ZNF385B: variants seen among roughly 807,000 people sequenced by gnomAD.
The protein encoded by ZNF385B is zinc finger protein 533.
A neutral mutation model predicts 39.2 loss-of-function variants in ZNF385B; 23 were observed. The observed-to-expected ratio is 0.59, with a 90% CI of 0.42 to 0.83. The LOEUF (loss-of-function observed/expected upper bound fraction) is 0.83, where lower values mean the gene tolerates loss of function less well. ZNF385B is among the 40% of genes least tolerant of loss of function. The pLI, the probability that ZNF385B is intolerant of heterozygous loss-of-function variation, is 0.00. For missense variants in ZNF385B, 552 were observed against 598.9 expected (o/e 0.92, Z 0.82); for synonymous variants, 205 against 222.6 (o/e 0.92, Z 0.70).
At chr2:179,526,929 CT>C (rs1315841412) in intron 4 of ZNF385B, among the ~76,000 whole-genome samples, 1 of 152,228 alleles carries the variant, frequency 6.6e-6, no homozygotes, top group African/African-American at 2.4e-5. Context: ...CTGGTCCCCT[CT>C]TTCACTGGGA....
At chr2:179,632,360 C>A (rs1297593991) in intron 3 of ZNF385B, among the ~76,000 whole-genome samples, 1 of 152,190 alleles carries the variant, frequency 6.6e-6, no homozygotes, top group African/African-American at 2.4e-5. Flanking sequence ...TCTCTCAGAC[C>A]ACAGTGCAAT....
At chr2:179,480,378 C>T (rs1159930759) in intron 6 of ZNF385B, among the ~76,000 whole-genome samples, 2 of 152,138 alleles carry the variant, frequency 1.3e-5, no homozygotes, top group East Asian at 1.9e-4. Context: ...TTTCTCCTTA[C>T]ATTTTACCTA....
At chr2:179,744,775 C>T (rs189795742) in intron 3 of ZNF385B, among the ~76,000 whole-genome samples, 8 of 152,236 alleles carry the variant, frequency 5.3e-5, no homozygotes, top group Admixed American at 2.6e-4. Context: ...CCCTGCCAAC[C>T]TAATATACTA....
At chr2:179,478,531 G>A (rs534934564) in intron 6 of ZNF385B, among the ~76,000 whole-genome samples, 32 of 152,318 alleles carry the variant, frequency 2.1e-4, no homozygotes, top group African/African-American at 7.7e-4. Context: ...TTCAACAGAA[G>A]ATGCTGGCTC....
chr2:179,648,135 T>C (rs977014067), intron 3 of ZNF385B, among the ~76,000 whole-genome samples: 2 of 152,022 alleles, frequency 1.3e-5, no homozygotes, highest in African/African-American at 4.8e-5. Context: ...GGACTCAGCT[T>C]GCCATGGGGT....
intron 3 of ZNF385B, among the ~76,000 whole-genome samples, chr2:179,682,380 T>G (rs1310794567): frequency 6.6e-6 from 1 of 152,246 alleles, no homozygotes; most frequent in Non-Finnish European, 1.5e-5. Flanking sequence ...CTGTTCCTGT[T>G]ATAACTGCAA....
chr2:179,773,632 T>C (rs1704139302), intron 1 of ZNF385B, among the ~76,000 whole-genome samples: 1 of 152,216 alleles, frequency 6.6e-6, no homozygotes, highest in Non-Finnish European at 1.5e-5. Context: ...TGGTTTTACT[T>C]ATTGACTCAC....
chr2:179,714,519 A>G (rs1700196358), intron 3 of ZNF385B, among the ~76,000 whole-genome samples: 1 of 152,200 alleles, frequency 6.6e-6, no homozygotes, highest in Non-Finnish European at 1.5e-5. Context: ...ATACAACAAT[A>G]AAAAGGCTGT....
chr2:179,807,613 A>C lies in ZNF385B; in HGVS notation c.-154-36941T>G, dbSNP rs539876297. Among the ~76,000 whole-genome samples, 547 of 151,776 alleles carry C rather than the reference A, an allele frequency of 3.6e-3. 6 individuals carry two copies. The highest frequency in any genetic ancestry group is 0.013 in the African/African-American group (526 of 41,364). The stretch of plus-strand genomic sequence containing the variant: ...CCGCCCCTCAAAAAAGAGTAAAAAA[A>C]GGCCAGGTGCGGTGGCTCACGCCTG... On this transcript the variant is annotated intron_variant, in intron 1 of 9. Transcript: ENST00000410066.
At chr2:179,720,856 C>G (rs1700643478) in intron 3 of ZNF385B, among the ~76,000 whole-genome samples, 1 of 151,096 alleles carries the variant, frequency 6.6e-6, no homozygotes, top group South Asian at 2.1e-4. Context: ...AATTCCTGGG[C>G]TCAAGTGATA....
At chr2:179,736,358 T>C (rs1701755878) in intron 3 of ZNF385B, among the ~76,000 whole-genome samples, 1 of 152,198 alleles carries the variant, frequency 6.6e-6, no homozygotes, top group African/African-American at 2.4e-5. Context: ...GCTCTTATTT[T>C]GCTTGACAAA....
intron 1 of ZNF385B, among the ~76,000 whole-genome samples, chr2:179,859,872 A>T (rs1684901383): frequency 6.6e-6 from 1 of 152,160 alleles, no homozygotes. Flanking sequence ...AGATTAAAGG[A>T]CTCTGAAAAC....
intron 3 of ZNF385B, among the ~76,000 whole-genome samples, chr2:179,716,222 A>G (rs191644160): frequency 1.3e-5 from 2 of 152,324 alleles, no homozygotes; most frequent in Admixed American, 1.3e-4. Flanking sequence ...CCCAGAGAAA[A>G]GGTTTAAGTA....
intron 6 of ZNF385B, among the ~76,000 whole-genome samples, chr2:179,458,378 G>T (rs2050939070): frequency 6.6e-6 from 1 of 152,198 alleles, no homozygotes; most frequent in Non-Finnish European, 1.5e-5. Flanking sequence ...TGCCATGATT[G>T]TGAGTCCTCT....
chr2:179,683,113 G>A (rs535652427), intron 3 of ZNF385B, among the ~76,000 whole-genome samples: 2 of 152,162 alleles, frequency 1.3e-5, no homozygotes, highest in Non-Finnish European at 2.9e-5. Flanking sequence ...CAGGCCAGGC[G>A]CCGGTGGCTC....
At chr2:179,582,241 A>G (rs1472740509) in intron 3 of ZNF385B, among the ~76,000 whole-genome samples, 1 of 152,196 alleles carries the variant, frequency 6.6e-6, no homozygotes, top group Non-Finnish European at 1.5e-5. Context: ...CTGATCTATT[A>G]ATCTCACAGG....
At chr2:179,528,377 A>G (rs796242730) in intron 4 of ZNF385B, among the ~76,000 whole-genome samples, 3 of 152,368 alleles carry the variant, frequency 2.0e-5, no homozygotes, top group African/African-American at 4.8e-5. Flanking sequence ...AGACCTTTCT[A>G]ACAGGTTTCT....
At chr2:179,557,439 T>C (rs2060980089) in intron 3 of ZNF385B, among the ~76,000 whole-genome samples, 1 of 132,726 alleles carries the variant, frequency 7.5e-6, no homozygotes, top group East Asian at 1.9e-4. Flanking sequence ...ATTTATAAAA[T>C]AGCACAAGAT....
intron 5 of ZNF385B, among the ~76,000 whole-genome samples, chr2:179,516,173 G>A (rs1450159550): frequency 1.3e-5 from 2 of 151,786 alleles, no homozygotes; most frequent in African/African-American, 4.8e-5. Context: ...AACATAGTTT[G>A]TTTATTGATC....
Sources: gnomAD v4.1 joint callset for allele counts (sites outside exome capture counted in the v4.1 genomes callset) on GRCh38, gnomAD v4.1.1 for gene constraint, MANE v1.5 for transcripts, NCBI Gene and HGNC (gene_info 2026-07-23, HGNC 2026-07-21) for gene names.